The following AAK1 variants were observed in gnomAD, a reference collection of about 807,000 sequenced individuals.
AAK1 encodes AP2-associated protein kinase 1.
Under a neutral mutation model 116.0 loss-of-function variants are expected in AAK1, and 37 were observed. The ratio of observed to expected loss-of-function variants is 0.32; its 90% CI spans 0.25 to 0.42. The LOEUF (loss-of-function observed/expected upper bound fraction) is 0.42. AAK1 is among the 10% of genes least tolerant of loss of function. The pLI, the probability that AAK1 is intolerant of heterozygous loss-of-function variation, is 1.00. For missense variants in AAK1, 919 were observed against 1,170.6 expected (o/e 0.79, Z 3.14); for synonymous variants, 458 against 439.9 (o/e 1.04, Z -0.51).
At chr2:69,491,329 G>A (rs1348536055) in intron 17 of AAK1, among the ~76,000 whole-genome samples, 1 of 152,124 alleles carries the variant, frequency 6.6e-6, no homozygotes, top group East Asian at 1.9e-4. Flanking sequence ...TGGACAAGCA[G>A]CATTTGAGCA....
intron 2 of AAK1, among the ~76,000 whole-genome samples, chr2:69,632,017 C>G (rs968250256): frequency 6.6e-6 from 1 of 151,662 alleles, no homozygotes; most frequent in African/African-American, 2.4e-5. Context: ...AATAATAGAT[C>G]AATAATAATA....
Position 69,471,028 on chromosome 2 carries a change from T to G in AAK1, c.*4841A>C. On this transcript the variant is annotated 3_prime_UTR_variant, in exon 22 of 22. Transcript: ENST00000409085. The stretch of plus-strand genomic sequence containing the variant: ...GTGCAGCAATGTTCAAATTTCACGT[T>G]TTTACTGCATAAGATATCTTCATGT... 2.0e-6 allele frequency: 2 copies of G among 985,862 alleles called. No individual in the cohort carries two copies. The highest frequency in any genetic ancestry group is 1.2e-6 in the Non-Finnish European group (1 of 829,924). 61.1% of individuals were successfully genotyped at this position (985,862 alleles called of 1,614,324 possible). A position where few individuals can be genotyped will look rare whatever the true frequency, so the allele number is the denominator to read the frequency against.
chr2:69,471,701 G>C lies in AAK1; in HGVS notation c.*4168C>G. On this transcript the variant is annotated 3_prime_UTR_variant, in exon 22 of 22. Transcript: ENST00000409085. ...CCTTATCAAGAGAGACTTTATTTTG[G>C]CCCAAGGTATCTATAGCATGTATTT... The C allele has an allele frequency of 7.1e-6, 7 of 985,358 alleles. No individual in the cohort carries two copies. The highest frequency in any genetic ancestry group is 8.4e-6 in the Non-Finnish European group (7 of 829,928). The allele number at this position is 985,358 out of a possible 1,614,324, so 61.0% of individuals were successfully genotyped here.
intron 2 of AAK1, among the ~76,000 whole-genome samples, chr2:69,577,858 A>G (rs2105135770): frequency 6.6e-6 from 1 of 152,316 alleles, no homozygotes; most frequent in Non-Finnish European, 1.5e-5. Flanking sequence ...GGGAGGGGGC[A>G]GGGATGGTGG....
intron 2 of AAK1, among the ~76,000 whole-genome samples, chr2:69,595,335 C>T (rs369853242): frequency 7.2e-5 from 11 of 152,154 alleles, no homozygotes; most frequent in East Asian, 3.8e-4. Flanking sequence ...AGGCTGGTCT[C>T]GAACTCATGA....
At position 69,565,248 on chromosome 2, in the gene AAK1, T is replaced by C. The variant is rs536067472; in HGVS notation, c.164-8270A>G. Among the ~76,000 whole-genome samples the C allele has an allele frequency of 5.3e-5, 8 of 152,294 alleles. No individual in the cohort carries two copies. In the East Asian group the frequency reaches 1.4e-3, roughly 26 times the overall value. On this transcript the variant is annotated intron_variant, in intron 2 of 21. Coordinates refer to ENST00000409085, the MANE Select transcript of AAK1 (RefSeq NM_014911.5). ...GTCACGAAGGAACGTGGGCTAAGAG[T>C]TGTCAAGTCTTTTGACTGCTAAAAA...
At chr2:69,518,714 G>GAT (rs1676695083) in intron 12 of AAK1, among the ~76,000 whole-genome samples, 2 of 152,042 alleles carry the variant, frequency 1.3e-5, no homozygotes, top group African/African-American at 2.4e-5. Context: ...ACTGCACCCG[G>GAT]CCAAAAAAAT....
intron 15 of AAK1, among the ~76,000 whole-genome samples, 174 bp from the exon 16 acceptor site, chr2:69,505,847 C>G (rs1186373751): frequency 6.6e-6 from 1 of 151,946 alleles, no homozygotes; most frequent in Non-Finnish European, 1.5e-5. Flanking sequence ...GAGAGAACGG[C>G]TGAGAAAAAA....
At chr2:69,548,690 T>C (rs4283448) in intron 3 of AAK1, among the ~76,000 whole-genome samples, 79,710 of 151,532 alleles carry the variant, frequency 0.53, 22,839 homozygotes, top group East Asian at 0.77. Context: ...CTGCAAGCTC[T>C]GCCTCCTGGG....
At chr2:69,590,513 T>C (rs1430671182) in intron 2 of AAK1, among the ~76,000 whole-genome samples, 1 of 152,206 alleles carries the variant, frequency 6.6e-6, no homozygotes, top group Non-Finnish European at 1.5e-5. Context: ...CAGGAGTGAT[T>C]CAGCATAAGC....
At chr2:69,633,508 G>C (rs917687822) in intron 2 of AAK1, among the ~76,000 whole-genome samples, 27 of 151,662 alleles carry the variant, frequency 1.8e-4, no homozygotes, top group African/African-American at 6.5e-4. Flanking sequence ...GACTGAGGCA[G>C]GAGAATCTCT....
At chr2:69,625,396 A>G (rs1038414402) in intron 2 of AAK1, among the ~76,000 whole-genome samples, 11 of 152,256 alleles carry the variant, frequency 7.2e-5, no homozygotes, top group African/African-American at 2.4e-4. Flanking sequence ...TTGAAGAGCA[A>G]GCTGTCTGTC....
chr2:69,557,859 A>G (rs79657129), intron 2 of AAK1, among the ~76,000 whole-genome samples: 14 of 152,134 alleles, frequency 9.2e-5, no homozygotes, highest in Non-Finnish European at 2.1e-4. Flanking sequence ...CTATCACTCA[A>G]TTCGAATCTA....
intron 2 of AAK1, among the ~76,000 whole-genome samples, chr2:69,567,004 C>A (rs575881774): frequency 2.6e-5 from 4 of 152,340 alleles, no homozygotes; most frequent in African/African-American, 9.6e-5. Context: ...TCTCACCCCT[C>A]TTAGAATAAA....
chr2:69,631,801 A>C (rs1675188956), intron 2 of AAK1, among the ~76,000 whole-genome samples: 1 of 152,096 alleles, frequency 6.6e-6, no homozygotes, highest in African/African-American at 2.4e-5. Flanking sequence ...GCAACATGGC[A>C]AAACTCCACC....
intron 2 of AAK1, among the ~76,000 whole-genome samples, chr2:69,596,224 T>C (rs912518071): frequency 2.1e-4 from 32 of 150,786 alleles, no homozygotes; most frequent in Admixed American, 1.8e-3. Flanking sequence ...ATTTTGACTT[T>C]TTTTTTTTTT....
intron 2 of AAK1, among the ~76,000 whole-genome samples, chr2:69,623,878 A>T (rs1378497204): frequency 6.6e-6 from 1 of 152,226 alleles, no homozygotes; most frequent in Non-Finnish European, 1.5e-5. Flanking sequence ...ATAGAAAAAA[A>T]ACCCGCAATG....
chr2:69,520,462 G>T (rs888983842), intron 11 of AAK1, among the ~76,000 whole-genome samples: 9 of 150,818 alleles, frequency 6.0e-5, no homozygotes, highest in Non-Finnish European at 1.3e-4. Context: ...AGGTTCAAGC[G>T]ATTCTCCTGC....
intron 16 of AAK1, among the ~76,000 whole-genome samples, chr2:69,500,698 T>TATATATATATATATATATATATATAC: frequency 3.1e-5 from 2 of 65,098 alleles, no homozygotes; most frequent in African/African-American, 7.9e-5. Flanking sequence ...TATATATATA[T>TATATATATATATATATATATATATAC]ACACACACAC....
Sources: allele counts gnomAD v4.1 joint callset (sites outside exome capture counted in the v4.1 genomes callset), GRCh38; gene constraint gnomAD v4.1.1; transcripts MANE v1.5; gene names NCBI Gene and HGNC (gene_info 2026-07-23, HGNC 2026-07-21).